Variants in PDIA6 observed in about 807,000 individuals in gnomAD.
PDIA6 encodes the protein protein disulfide isomerase family A member 6.
PDIA6 carries 29 observed loss-of-function variants against 58.4 expected under a neutral mutation model. The ratio of observed to expected loss-of-function variants is 0.50; its 90% CI spans 0.37 to 0.68. The LOEUF is 0.68. Among genes scored for constraint, PDIA6 ranks in the 30% least tolerant of loss-of-function variants. PDIA6 has a pLI of 0.00. For synonymous variants in PDIA6, 192 were observed against 202.6 expected (o/e 0.95, Z 0.44); for missense variants, 480 against 551.0 (o/e 0.87, Z 1.29).
Position 10,785,002 on chromosome 2 carries a change from C to T in PDIA6, c.1186G>A (p.Ala396Thr). The T allele has an allele frequency of 6.3e-7, 1 of 1,584,870 alleles. No homozygotes were observed. Among genetic ancestry groups the T allele is most frequent in the Non-Finnish European group, 8.6e-7 (1 of 1,163,968 alleles). ...GGGAAAGCCCCGCCTCCTACAGGTG[C>T]CGTGGAGCCACGCCCAAAAGAGAGC... is the stretch of plus-strand genomic sequence containing the variant. Reference protein sequence around the residue: ...RELSFGRGSTAPVGGGAFPTI... With the variant: ...RELSFGRGSTTPVGGGAFPTI... Residue 396 changes from alanine (A) to threonine (T), a missense_variant, in exon 12 of 13, where the codon GCA (alanine) becomes ACA (threonine). Transcript: ENST00000272227.
At chr2:10,786,626 C>T (rs1021561011) in intron 11 of PDIA6, among the ~76,000 whole-genome samples, 2 of 152,190 alleles carry the variant, frequency 1.3e-5, no homozygotes, top group African/African-American at 4.8e-5. Flanking sequence ...ATTCATTATT[C>T]AACACAAGCC....
chr2:10,788,002 G>A (rs1665855112), intron 10 of PDIA6, among the ~76,000 whole-genome samples: 1 of 146,352 alleles, frequency 6.8e-6, no homozygotes, highest in African/African-American at 2.5e-5. Context: ...GGAGGCGGAG[G>A]TTGCAGTAAG....
At chr2:10,817,573 G>T (rs1489062550), upstream of PDIA6, among the ~76,000 whole-genome samples, 1 of 152,230 alleles carries the variant, frequency 6.6e-6, no homozygotes, top group African/African-American at 2.4e-5. Context: ...TCACCACACA[G>T]CTCCCCCGGT....
chr2:10,809,659 A>C (rs992585592), intron 1 of PDIA6, among the ~76,000 whole-genome samples: 2 of 150,180 alleles, frequency 1.3e-5, no homozygotes, highest in African/African-American at 2.4e-5. Context: ...AAAAAAAAAA[A>C]AAAAAAAAAA....
chr2:10,795,102 G>A (rs984587603), intron 4 of PDIA6, among the ~76,000 whole-genome samples: 5 of 152,082 alleles, frequency 3.3e-5, no homozygotes, highest in South Asian at 2.1e-4. Flanking sequence ...AGGTATTTCC[G>A]TCATCTGAAC....
At chr2:10,809,838 G>T (rs546662668) in intron 1 of PDIA6, among the ~76,000 whole-genome samples, 7 of 152,168 alleles carry the variant, frequency 4.6e-5, no homozygotes, top group Admixed American at 4.6e-4. Flanking sequence ...TTCTACTTAA[G>T]AATTTTAAAA....
rs1235112673 is a variant in PDIA6, at chr2:10,793,255, C to T, written c.347-53G>A. ...TCAGCCCGGCCTTCAGCAAGTGCCT[C>T]ATCTGGCCCGGCCCAAGACTGTGTC... On this transcript the variant is annotated intron_variant, in intron 4 of 12. Transcript: ENST00000272227. 4.0e-6 allele frequency: 5 copies of T among 1,237,518 alleles called. No homozygotes were observed. The East Asian group carries it at 9.4e-5, about 23-fold the overall frequency. The allele number at this position is 1,237,518 out of a possible 1,614,324, so 76.7% of individuals were successfully genotyped here. A position where few individuals can be genotyped will look rare whatever the true frequency, so the allele number is the denominator to read the frequency against.
intron 1 of PDIA6, among the ~76,000 whole-genome samples, chr2:10,830,934 C>T (rs995377312): frequency 1.3e-5 from 2 of 152,188 alleles, no homozygotes; most frequent in Non-Finnish European, 2.9e-5. Context: ...TCAGTTCCTC[C>T]CCACTTAGCC....
chr2:10,787,348 C>T lies in PDIA6; in HGVS notation c.1090G>A (p.Ala364Thr). The change falls in exon 11 of 13, where the codon GCA becomes ACA. Residue 364 changes from alanine to threonine, a missense_variant. Ala to Thr is a moderately conservative substitution (Grantham distance 58). Transcript: ENST00000272227. ...AGCAGAGCAAATTTCATCTTGCGTG[C>T]ATTGATGGCGGCCATGGCGGGGTAC... ...FGYPAMAAIN[A>T]RKMKFALLKG... is the part of the protein sequence containing the mutation. 1 of 1,614,206 alleles carries T rather than the reference C, an allele frequency of 6.2e-7. No homozygotes were observed. The highest frequency in any genetic ancestry group is 8.5e-7 in the Non-Finnish European group (1 of 1,180,038).
chr2:10,795,186 C>T (rs1043058189), intron 4 of PDIA6, among the ~76,000 whole-genome samples: 3 of 152,140 alleles, frequency 2.0e-5, no homozygotes, highest in Non-Finnish European at 4.4e-5. Context: ...AACTTTTCAG[C>T]GTTTTGGGCC....
At chr2:10,802,252 A>G (rs1486739949) in intron 2 of PDIA6, among the ~76,000 whole-genome samples, 1 of 152,028 alleles carries the variant, frequency 6.6e-6, no homozygotes, top group Non-Finnish European at 1.5e-5. Flanking sequence ...TGGCCCCTCC[A>G]TTTTCTTTGC....
chr2:10,814,061 T>A (rs1488168111), upstream of PDIA6, among the ~76,000 whole-genome samples: 1 of 152,218 alleles, frequency 6.6e-6, no homozygotes, highest in Non-Finnish European at 1.5e-5. Flanking sequence ...TTAAGACCAC[T>A]GTATCTTTCC....
intron 11 of PDIA6, among the ~76,000 whole-genome samples, chr2:10,786,640 C>T (rs965359227): frequency 6.6e-6 from 1 of 152,202 alleles, no homozygotes; most frequent in Non-Finnish European, 1.5e-5. Flanking sequence ...ACAAGCCTCT[C>T]AACTACCTTT....
rs1558439445 is a variant in PDIA6 at position 10,788,997 on chromosome 2, GAC to G, written c.841-18_841-17del. The G allele has an allele frequency of 1.9e-6, 3 of 1,602,274 alleles. No homozygotes were observed. In the African/African-American group the frequency reaches 4.0e-5, roughly 21 times the overall value. On this transcript the variant is annotated splice_polypyrimidine_tract_variant and intron_variant, in intron 8 of 12. Coordinates refer to ENST00000272227, the MANE Select transcript of PDIA6 (RefSeq NM_005742.4). ...CGTTGATAATCTGTGGGACCCAAAA[GAC>G]AAGGGACAATCAGGAGGCTGCATGA...
chr2:10,815,067 T>C (rs1350906495), upstream of PDIA6, among the ~76,000 whole-genome samples: 1 of 151,954 alleles, frequency 6.6e-6, no homozygotes, highest in Non-Finnish European at 1.5e-5. Flanking sequence ...TGAAGCCCAC[T>C]GTACAGGCAC....
rs199977483 is a variant in PDIA6, at chr2:10,793,154, C to T, written c.395G>A (p.Arg132His). 1.5e-5 allele frequency: 24 copies of T among 1,614,116 alleles called. No homozygotes were observed. The highest frequency in any genetic ancestry group is 2.2e-5 in the East Asian group (1 of 44,876). ...CCCGAGGCGATCCTTCACGAGCTGG[C>T]GCAGAGCACTCAGCGCAGCATCTAC... is the stretch of plus-strand genomic sequence containing the variant. ...AIVDAALSALRQLVKDRLGGR... is the reference protein window; with the variant it reads ...AIVDAALSALHQLVKDRLGGR... Residue 132 changes from arginine to histidine, a missense_variant, in exon 5 of 13, where the codon CGC becomes CAC. By Grantham distance (29) the Arg-to-His change is conservative (BLOSUM62 0). Coordinates refer to ENST00000272227, the MANE Select transcript of PDIA6 (RefSeq NM_005742.4).
intron 2 of PDIA6, among the ~76,000 whole-genome samples, chr2:10,818,484 T>TTATATATA (rs1159545307): frequency 1.5e-3 from 87 of 58,800 alleles, no homozygotes; most frequent in East Asian, 5.5e-3. Flanking sequence ...ACCATTTAAT[T>TTATATATA]TATTTATTTA....
At chr2:10,786,992 TTATGAG>T (rs1286448002) in intron 11 of PDIA6, among the ~76,000 whole-genome samples, 1 of 152,120 alleles carries the variant, frequency 6.6e-6, no homozygotes, top group African/African-American at 2.4e-5. Context: ...TATGAGACCT[TTATGAG>T]AATGAGAAAG....
At chr2:10,790,929 A>C in intron 6 of PDIA6, 96 bp from the exon 7 acceptor site, 2 of 811,798 alleles carry the variant, frequency 2.5e-6, no homozygotes, top group South Asian at 2.9e-5. Context: ...GGCTCCCTGC[A>C]GCCTCAATCT....
Sources: allele counts gnomAD v4.1 joint callset (sites outside exome capture counted in the v4.1 genomes callset), GRCh38; gene constraint gnomAD v4.1.1; transcripts MANE v1.5; gene names NCBI Gene and HGNC (gene_info 2026-07-23, HGNC 2026-07-21).